Variants in JADE2 observed in about 807,000 individuals in gnomAD.
JADE2 encodes jade family PHD finger 2.
A neutral mutation model predicts 85.7 loss-of-function variants in JADE2; 13 were observed. The observed-to-expected ratio is 0.15, with a 90% confidence interval of 0.10 to 0.24. The LOEUF (loss-of-function observed/expected upper bound fraction) is 0.24, where lower values mean the gene tolerates loss of function less well. JADE2 is among the 10% of genes least tolerant of loss of function. JADE2 has a pLI of 1.00. For missense variants in JADE2, 846 were observed against 1,115.9 expected (o/e 0.76, Z 3.45); for synonymous variants, 440 against 456.1 (o/e 0.96, Z 0.45).
At chr5:134,546,888 T>C (rs1036789090) in intron 3 of JADE2, among the ~76,000 whole-genome samples, 6 of 152,224 alleles carry the variant, frequency 3.9e-5, no homozygotes, top group African/African-American at 1.4e-4. Flanking sequence ...TTTGAAATAC[T>C]CTGTGATACA....
rs535082508 is a variant in JADE2 at position 134,568,514 on chromosome 5, C to T, written c.1434+1934C>T. 6.6e-4 allele frequency among the ~76,000 whole-genome samples: 100 copies of T among 152,278 alleles called. 1 individual carries two copies. Among genetic ancestry groups the T allele is most frequent in the Non-Finnish European group, 8.2e-4 (56 of 68,028 alleles). On this transcript the variant is annotated intron_variant, in intron 9 of 11. Coordinates refer to ENST00000681547, the MANE Select transcript of JADE2 (RefSeq NM_001388185.1). ...GCTGCAGAGACTCCTGCAGTGGGAG[C>T]CAGAACACTCCAGAGTCAGGTGTGA... is the stretch of plus-strand genomic sequence containing the variant.
chr5:134,525,647 G>T (rs2149835183), upstream of JADE2: 2 of 1,051,826 alleles, frequency 1.9e-6, no homozygotes, highest in Non-Finnish European at 2.5e-6. Context: ...AGATCACAAG[G>T]AAGTCTTGGT....
At chr5:134,528,098 G>A (rs1451569287) in intron 1 of JADE2, among the ~76,000 whole-genome samples, 4 of 152,092 alleles carry the variant, frequency 2.6e-5, no homozygotes, top group Admixed American at 2.6e-4. Context: ...GAGGACCCCT[G>A]AGCTCTGATC....
intron 3 of JADE2, among the ~76,000 whole-genome samples, chr5:134,539,183 T>C (rs1761803563): frequency 6.6e-6 from 1 of 151,974 alleles, no homozygotes; most frequent in South Asian, 2.1e-4. Context: ...TGCCTCAGCC[T>C]CCCGAGTGGC....
intron 1 of JADE2, among the ~76,000 whole-genome samples, chr5:134,528,302 C>T (rs1412360588): frequency 2.0e-5 from 3 of 152,282 alleles, no homozygotes; most frequent in South Asian, 2.1e-4. Flanking sequence ...GCTTTGTTTC[C>T]TGGGTTCCCA....
At chr5:134,563,745 G>C (rs746443330) in intron 7 of JADE2, among the ~76,000 whole-genome samples, 1 of 152,232 alleles carries the variant, frequency 6.6e-6, no homozygotes, top group Non-Finnish European at 1.5e-5. Flanking sequence ...GCATGTTGAA[G>C]ACTGGGACCA....
rs765979305 is a variant in JADE2, at chr5:134,535,848, T to G, written c.1-10T>G. On this transcript the variant is annotated splice_polypyrimidine_tract_variant and intron_variant, in intron 1 of 11. Transcript: ENST00000681547. ...ATCCGTGAGTATAATGGGCTTGCCT[T>G]TTGTTGCAGATGGAAGAGAAGAGGC... 1.2e-5 allele frequency: 20 copies of G among 1,613,860 alleles called. No homozygotes were observed. The East Asian group carries it at 4.5e-4, about 36-fold the overall frequency.
Position 134,560,933 on chromosome 5 carries a change from C to A in JADE2, c.660C>A (p.Asp220Glu). The A allele has an allele frequency of 6.2e-7, 1 of 1,613,922 alleles. No homozygotes were observed. The highest frequency in any genetic ancestry group is 8.5e-7 in the Non-Finnish European group (1 of 1,179,888). The part of the protein sequence containing the change: ...GEDGNEMVFC[D>E]KCNVCVHQAC... Reference sequence around the variant, plus strand: ...ATGGCAACGAGATGGTCTTCTGTGACAAGTGCAACGTCTGTGTGCATCAGG... The same window carrying A: ...ATGGCAACGAGATGGTCTTCTGTGAAAAGTGCAACGTCTGTGTGCATCAGG... Residue 220 changes from aspartate to glutamate, a missense_variant, in exon 6 of 12, where the codon GAC (aspartate) becomes GAA (glutamate). This residue lies in a region of JADE2 where 129 missense variants were observed against 255.4 expected (regional missense o/e 0.51). Coordinates refer to ENST00000681547, the MANE Select transcript of JADE2 (RefSeq NM_001388185.1).
intron 1 of JADE2, among the ~76,000 whole-genome samples, chr5:134,532,419 C>T (rs962575912): frequency 1.3e-5 from 2 of 152,110 alleles, no homozygotes; most frequent in African/African-American, 4.8e-5. Flanking sequence ...GGGGACTCTA[C>T]GACACCCACA....
intron 8 of JADE2, among the ~76,000 whole-genome samples, chr5:134,565,000 G>A (rs1441292325): frequency 6.6e-6 from 1 of 152,182 alleles, no homozygotes; most frequent in East Asian, 1.9e-4. Context: ...CACTGGAAGG[G>A]CTGTACCAGT....
rs780054315 is a variant in JADE2, at chr5:134,578,957, A to G, written c.2145A>G (p.Glu715=). The stretch of plus-strand genomic sequence containing the variant: ...ACTGTCCCATCCTAGCCACCCCTGA[A>G]AGCCCCCCGCCACTGGCCCCTGAGA... ...AGDCPILATP[E]SPPPLAPETP... Residue 715 remains glutamate, a synonymous_variant, in exon 12 of 12, where the codon GAA becomes GAG. Transcript: ENST00000681547. The surrounding 1 kb of genome is among the most constrained non-coding windows in gnomAD (Gnocchi z 4.4). The G allele has an allele frequency of 3.1e-6, 5 of 1,612,780 alleles. No individual in the cohort carries two copies. The East Asian group carries it at 1.1e-4, about 36-fold the overall frequency.
rs771123319 is a variant in JADE2, at chr5:134,579,247, G to A, written c.2435G>A (p.Gly812Asp). The change falls in exon 12 of 12, where the codon GGT becomes GAT. Residue 812 changes from glycine to aspartate, a missense_variant. Gly to Asp is a moderately conservative substitution (Grantham distance 94, BLOSUM62 -1). Coordinates refer to ENST00000681547, the MANE Select transcript of JADE2 (RefSeq NM_001388185.1). The surrounding 1 kb of genome is among the most constrained non-coding windows in gnomAD (Gnocchi z 4.6). ...MSDSDVEAEDGGVQRGPREAG... is the reference protein window; with the variant it reads ...MSDSDVEAEDDGVQRGPREAG... ...GACTCAGATGTAGAGGCCGAGGACG[G>A]TGGGGTGCAGCGGGGTCCCCGGGAG... 1.4e-5 allele frequency: 23 copies of A among 1,613,874 alleles called. No homozygotes were observed. In the East Asian group the frequency reaches 1.8e-4, roughly 13 times the overall value.
At chr5:134,526,180 G>A (rs976640603) in intron 1 of JADE2, 169 bp downstream of exon 1, 35 of 985,574 alleles carry the variant, frequency 3.6e-5, no homozygotes, top group Admixed American at 6.1e-5. Context: ...AGAGGGGGGG[G>A]ATGCACAGCA....
rs1264004077 is a variant in JADE2, at chr5:134,578,472, C to G, written c.1682-22C>G. 3.9e-6 allele frequency: 6 copies of G among 1,539,186 alleles called. No individual in the cohort carries two copies. In the South Asian group the frequency reaches 7.4e-5, roughly 19 times the overall value. The stretch of plus-strand genomic sequence containing the variant: ...GGGACACACGTCTGCTGGCGTCTCA[C>G]TTGCCTCCTCTCTCCCCTCAGCAGG... On this transcript the variant is annotated intron_variant, in intron 11 of 11. Transcript: ENST00000681547. This position sits in a 1 kb window ranked among gnomAD's most constrained non-coding sequence, Gnocchi z 4.4.
chr5:134,569,707 A>T (rs1464682215), intron 9 of JADE2, among the ~76,000 whole-genome samples: 1 of 152,156 alleles, frequency 6.6e-6, no homozygotes, highest in Non-Finnish European at 1.5e-5. Context: ...CCAGAGGATG[A>T]TATGGGACAA....
At chr5:134,571,210 A>T (rs1763984857) in intron 9 of JADE2, among the ~76,000 whole-genome samples, 1 of 152,220 alleles carries the variant, frequency 6.6e-6, no homozygotes, top group Admixed American at 6.5e-5. Flanking sequence ...GACTCCACTC[A>T]TAGTAGATCA....
At chr5:134,529,011 G>A (rs960873608) in intron 1 of JADE2, among the ~76,000 whole-genome samples, 35 of 152,212 alleles carry the variant, frequency 2.3e-4, no homozygotes, top group African/African-American at 8.0e-4. Flanking sequence ...GCACCACGGA[G>A]TATTGACACT....
rs61126429 is a variant in JADE2, at chr5:134,580,425, T to TCCCCCCCCCC, written c.*1109_*1118dup. 1.4e-5 allele frequency: 1 copy of TCCCCCCCCCC among 72,082 alleles called. No homozygotes were observed. 4.5% of individuals were successfully genotyped at this position (72,082 alleles called of 1,614,324 possible). A position where few individuals can be genotyped will look rare whatever the true frequency, so the allele number is the denominator to read the frequency against. Reference sequence around the variant, plus strand: ...TGAGCCTTAACCCCTCGCACAGCCATCCCCCCCCCCGTCCTGCCATCCCCC... The same window carrying TCCCCCCCCCC: ...TGAGCCTTAACCCCTCGCACAGCCATCCCCCCCCCCCCCCCCCCCCGTCCTGCCATCCCCC... On this transcript the variant is annotated 3_prime_UTR_variant, in exon 12 of 12. Coordinates refer to ENST00000681547, the MANE Select transcript of JADE2 (RefSeq NM_001388185.1).
At chr5:134,551,222 AT>A (rs11366492) in intron 3 of JADE2, among the ~76,000 whole-genome samples, 107,527 of 151,730 alleles carry the variant, frequency 0.71, 38,672 homozygotes, top group African/African-American at 0.81. Flanking sequence ...ATTTTATTTT[AT>A]TTTATTTATT....
Sources: allele counts gnomAD v4.1 joint callset (sites outside exome capture counted in the v4.1 genomes callset), GRCh38; gene constraint gnomAD v4.1.1; regional missense constraint gnomAD v4.1.1; non-coding constraint Gnocchi (gnomAD v3.1); transcripts MANE v1.5; gene names NCBI Gene and HGNC (gene_info 2026-07-23, HGNC 2026-07-21).